RAB8B: variants seen among roughly 807,000 people sequenced by gnomAD.
The protein encoded by RAB8B is RAB8B, member RAS oncogene family.
Under a neutral mutation model 32.0 loss-of-function variants are expected in RAB8B, and 11 were observed. The ratio of observed to expected loss-of-function variants is 0.34; its 90% confidence interval spans 0.22 to 0.57. The LOEUF is 0.57. RAB8B is among the 20% of genes least tolerant of loss of function. RAB8B has a pLI of 0.86. For missense variants in RAB8B, 190 were observed against 258.5 expected, an observed-to-expected ratio of 0.73 and a Z score of 1.82; for synonymous variants, 103 against 89.6, an observed-to-expected ratio of 1.15 and a Z score of -0.85.
chr15:63,229,964 CAT>C (rs2037922567), intron 1 of RAB8B, among the ~76,000 whole-genome samples: 1 of 151,954 alleles, frequency 6.6e-6, no homozygotes, highest in Non-Finnish European at 1.5e-5. Context: ...ACTTTTGTAT[CAT>C]AGAGGATTGT....
intron 3 of RAB8B, among the ~76,000 whole-genome samples, chr15:63,252,338 T>G (rs1225632586): frequency 6.6e-6 from 1 of 152,124 alleles, no homozygotes; most frequent in African/African-American, 2.4e-5. Flanking sequence ...CTCAAAATGA[T>G]CAAGCGTGGA....
chr15:63,210,933 G>A (rs994251437), intron 1 of RAB8B, among the ~76,000 whole-genome samples: 1 of 152,184 alleles, frequency 6.6e-6, no homozygotes, highest in Non-Finnish European at 1.5e-5. Context: ...CAGCATACTC[G>A]AGATACTGTG....
In RAB8B at chr15:63,264,902, A is replaced by G. The variant is rs1333459192; in HGVS notation, c.*1283A>G. 6.6e-6 allele frequency: 1 copy of G among 152,662 alleles called. No homozygotes were observed. Among genetic ancestry groups the G allele is most frequent in the Non-Finnish European group, 1.5e-5 (1 of 68,030 alleles). The allele number at this position is 152,662 out of a possible 1,614,324, so 9.5% of individuals were successfully genotyped here. A position where few individuals can be genotyped will look rare whatever the true frequency, so the allele number is the denominator to read the frequency against. On this transcript the variant is annotated 3_prime_UTR_variant, in exon 8 of 8. Transcript: ENST00000321437. ...GGTTCATTGTTACAGAACTTAGTCC[A>G]GTCATTTGGGCTAAAGCCAACCAAA...
intron 5 of RAB8B, among the ~76,000 whole-genome samples, chr15:63,257,139 T>A (rs1170426254): frequency 6.6e-6 from 1 of 152,244 alleles, no homozygotes; most frequent in Non-Finnish European, 1.5e-5. Context: ...AGCAAAGGAA[T>A]ATTTTGTGTA....
chr15:63,197,370 C>CTTTTTTTTTTTTTTTTTTTTTTT (rs58765418), intron 1 of RAB8B, among the ~76,000 whole-genome samples: 4 of 61,412 alleles, frequency 6.5e-5, no homozygotes, highest in East Asian at 6.0e-4. Context: ...TCTTTCTTTT[C>CTTTTTTTTTTTTTTTTTTTTTTT]TTTTTTTTTT....
chr15:63,234,005 C>A (rs745940134), intron 1 of RAB8B, among the ~76,000 whole-genome samples: 8 of 152,024 alleles, frequency 5.3e-5, no homozygotes, highest in Non-Finnish European at 1.0e-4. Flanking sequence ...ATGACTGCAG[C>A]CAAATTAGTC....
At chr15:63,230,281 T>G (rs751044559) in intron 1 of RAB8B, among the ~76,000 whole-genome samples, 1 of 152,192 alleles carries the variant, frequency 6.6e-6, no homozygotes, top group Admixed American at 6.5e-5. Context: ...TGTTTGTTTA[T>G]TTTATAATCT....
chr15:63,205,741 A>G (rs2037693123), intron 1 of RAB8B, among the ~76,000 whole-genome samples: 1 of 152,266 alleles, frequency 6.6e-6, no homozygotes, highest in Admixed American at 6.5e-5. Context: ...AATGGCACTG[A>G]AAAACCATGC....
rs377057141 is a variant in RAB8B, at chr15:63,191,111, A to G, written c.124+1363A>G. ...TGCAGGTTAATTAAGTACCTTAAGA[A>G]TACCTCAGCTTTTGGTTGTGTTGGT... On this transcript the variant is annotated intron_variant, in intron 1 of 7. Transcript: ENST00000321437. 1.3e-3 allele frequency among the ~76,000 whole-genome samples: 197 copies of G among 152,340 alleles called. 3 individuals are homozygous for G. The South Asian group carries it at 0.037, about 29-fold the overall frequency.
In RAB8B at chr15:63,189,607, G is replaced by A; in HGVS notation, c.-18G>A. The stretch of plus-strand genomic sequence containing the variant: ...ACCGCCTCCTCTGGCTCCCCGGTCA[G>A]AGGGCCGGAGCGAGAAGATGGCGAA... On this transcript the variant is annotated 5_prime_UTR_variant, in exon 1 of 8. Transcript: ENST00000321437. 6.2e-7 allele frequency: 1 copy of A among 1,612,934 alleles called. No individual in the cohort carries two copies. The highest frequency in any genetic ancestry group is 8.5e-7 in the Non-Finnish European group (1 of 1,179,574).
Position 63,259,509 on chromosome 15 carries a change from C to A in RAB8B, c.415-118C>A. ...GAAGAAAGCAAAGAAATTTGAGAAC[C>A]ACAGGAGTTCTGAAATAGATACCCT... On this transcript the variant is annotated intron_variant, in intron 5 of 7. Transcript: ENST00000321437. The surrounding 1 kb of genome is among the most constrained non-coding windows in gnomAD (Gnocchi z 4.4). 2 of 781,642 alleles carry A rather than the reference C, an allele frequency of 2.6e-6. No individual in the cohort carries two copies. Among genetic ancestry groups the A allele is most frequent in the Non-Finnish European group, 4.2e-6 (2 of 481,734 alleles). The allele number at this position is 781,642 out of a possible 1,614,324, so 48.4% of individuals were successfully genotyped here.
At position 63,265,686 on chromosome 15, in the gene RAB8B, A is replaced by G. The variant is rs537382970; in HGVS notation, c.*2067A>G. 2.0e-5 allele frequency: 3 copies of G among 152,638 alleles called. No individual in the cohort carries two copies. Among genetic ancestry groups the G allele is most frequent in the South Asian group, 2.1e-4 (1 of 4,826 alleles). 9.5% of individuals were successfully genotyped at this position (152,638 alleles called of 1,614,324 possible). On this transcript the variant is annotated 3_prime_UTR_variant, in exon 8 of 8. Coordinates refer to ENST00000321437, the MANE Select transcript of RAB8B (RefSeq NM_016530.3). The surrounding 1 kb of genome is among the most constrained non-coding windows in gnomAD (Gnocchi z 4.9). The stretch of plus-strand genomic sequence containing the variant: ...TTGGTGTCTTAACGCTTTGGTTTAT[A>G]TAATCTCAGGGGTTGTCTGCAAACC...
chr15:63,212,159 C>T (rs1025361378), intron 1 of RAB8B, among the ~76,000 whole-genome samples: 1 of 152,098 alleles, frequency 6.6e-6, no homozygotes, highest in Non-Finnish European at 1.5e-5. Flanking sequence ...CTACACAGTG[C>T]GTTGTAGTCT....
At chr15:63,230,546 C>G (rs1231465966) in intron 1 of RAB8B, among the ~76,000 whole-genome samples, 1 of 152,190 alleles carries the variant, frequency 6.6e-6, no homozygotes, top group African/African-American at 2.4e-5. Context: ...AGGTGATCCG[C>G]CCGCCTGGAC....
At chr15:63,255,386 C>A in intron 3 of RAB8B, 121 bp from the exon 4 acceptor site, 1 of 580,442 alleles carries the variant, frequency 1.7e-6, no homozygotes, top group Admixed American at 3.5e-5. Flanking sequence ...TATTATGAAC[C>A]CTTTTTAAAG....
chr15:63,240,984 A>G (rs778333964), intron 1 of RAB8B, among the ~76,000 whole-genome samples: 1 of 152,210 alleles, frequency 6.6e-6, no homozygotes, highest in Admixed American at 6.5e-5. Context: ...TACTACTTTA[A>G]TAAGCCAGAA....
chr15:63,243,546 A>G (rs1036270730), intron 1 of RAB8B, among the ~76,000 whole-genome samples: 11 of 152,120 alleles, frequency 7.2e-5, no homozygotes, highest in African/African-American at 2.7e-4. Flanking sequence ...GAAGGGTTGA[A>G]CTTTTGAAGT....
chr15:63,229,555 G>T (rs972868340), intron 1 of RAB8B, among the ~76,000 whole-genome samples: 2 of 152,266 alleles, frequency 1.3e-5, no homozygotes. Context: ...ACCAAGGCGG[G>T]CAGATTGCCT....
chr15:63,197,365 C>CTTTTTTTTTTTTTTTTTTTTTTTTT (rs2037610287), intron 1 of RAB8B, among the ~76,000 whole-genome samples: 1 of 85,574 alleles, frequency 1.2e-5, no homozygotes, highest in Non-Finnish European at 2.3e-5. Flanking sequence ...TTCTTTCTTT[C>CTTTTTTTTTTTTTTTTTTTTTTTTT]TTTTCTTTTT....
Sources: allele counts gnomAD v4.1 joint callset (sites outside exome capture counted in the v4.1 genomes callset), GRCh38; gene constraint gnomAD v4.1.1; non-coding constraint Gnocchi (gnomAD v3.1); transcripts MANE v1.5; gene names NCBI Gene and HGNC (gene_info 2026-07-23, HGNC 2026-07-21).